NUP210L: variants seen among roughly 807,000 people sequenced by gnomAD.
The protein encoded by NUP210L is nuclear pore membrane glycoprotein 210-like.
Under a neutral mutation model 208.5 loss-of-function variants are expected in NUP210L, and 74 were observed. The ratio of observed to expected loss-of-function variants is 0.35; its 90% CI spans 0.29 to 0.43. The LOEUF (loss-of-function observed/expected upper bound fraction) is 0.43. NUP210L is among the 20% of genes least tolerant of loss of function. The pLI is 1.00. For missense variants in NUP210L, 1,843 were observed against 2,289.4 expected, an observed-to-expected ratio of 0.81 and a Z score of 3.98; for synonymous variants, 780 against 816.9, an observed-to-expected ratio of 0.95 and a Z score of 0.77.
At chr1:154,091,593 C>T (rs1655917235) in intron 15 of NUP210L, among the ~76,000 whole-genome samples, 1 of 150,498 alleles carries the variant, frequency 6.6e-6, no homozygotes, top group Non-Finnish European at 1.5e-5. Context: ...CTCCACCTCC[C>T]AGGTTCAAGC....
chr1:154,103,953 A>C (rs1224652718), intron 13 of NUP210L, 59 bp downstream of exon 13: 1 of 1,299,356 alleles, frequency 7.7e-7, no homozygotes, highest in African/African-American at 1.5e-5. Context: ...TCACAGTGGT[A>C]GAGTTAAAGA....
rs529874428 is a variant in NUP210L, at chr1:154,080,252, C to T, written c.2361+9169G>A. 9.8e-4 allele frequency among the ~76,000 whole-genome samples: 148 copies of T among 151,686 alleles called. 1 individual carries two copies. The highest frequency in any genetic ancestry group is 1.6e-3 in the Admixed American group (25 of 15,212). On this transcript the variant is annotated intron_variant, in intron 16 of 39. Coordinates refer to ENST00000368559, the Ensembl canonical transcript of NUP210L. The stretch of plus-strand genomic sequence containing the variant: ...GCGCATGCCTGTAATCCCAGCTACT[C>T]GGGAGGCTGAGGCAGGACAATCGTT...
chr1:154,127,699 C>T (rs1012948510), intron 8 of NUP210L, among the ~76,000 whole-genome samples: 1 of 151,596 alleles, frequency 6.6e-6, no homozygotes, highest in Non-Finnish European at 1.5e-5. Flanking sequence ...TATCGGTGTG[C>T]GTTACCATGC....
intron 35 of NUP210L, among the ~76,000 whole-genome samples, chr1:154,008,119 G>A (rs1364842739): frequency 6.6e-6 from 1 of 151,776 alleles, no homozygotes; most frequent in Non-Finnish European, 1.5e-5. Context: ...TGATTTGTCC[G>A]CCATGGCCTC....
At chr1:154,040,580 ATTCT>A (rs1313892920) in intron 27 of NUP210L, among the ~76,000 whole-genome samples, 41 of 150,610 alleles carry the variant, frequency 2.7e-4, no homozygotes, top group Non-Finnish European at 5.0e-4. Context: ...CCTCCCTAAG[ATTCT>A]TTCTTTCTTT....
At chr1:154,066,418 T>C (rs1393715059) in intron 17 of NUP210L, among the ~76,000 whole-genome samples, 1 of 152,170 alleles carries the variant, frequency 6.6e-6, no homozygotes, top group African/African-American at 2.4e-5. Flanking sequence ...GAGAACATCC[T>C]GGCTAACACG....
exon 40 of NUP210L, chr1:153,992,776 T>C: frequency 8.8e-7 from 1 of 1,139,958 alleles, no homozygotes; most frequent in Non-Finnish European, 1.3e-6. Flanking sequence ...TTAGGCTTCT[T>C]GTCGAGGACT....
In NUP210L at chr1:154,070,549, C is replaced by T. The variant is rs571132699; in HGVS notation, c.2362-84G>A. 35 of 902,056 alleles carry T rather than the reference C, an allele frequency of 3.9e-5. No individual in the cohort carries two copies. The South Asian group carries it at 6.7e-4, about 17-fold the overall frequency. The allele number at this position is 902,056 out of a possible 1,614,324, so 55.9% of individuals were successfully genotyped here. ...GTAAGATATCTCTAAAGCTAGGAATCGAGTTTTCTCTCAATATTTTTACCT... is the reference window on the plus strand; with the variant it reads ...GTAAGATATCTCTAAAGCTAGGAATTGAGTTTTCTCTCAATATTTTTACCT... On this transcript the variant is annotated intron_variant, in intron 16 of 39. Transcript: ENST00000368559.
rs187050016 is a variant in NUP210L at position 154,123,179 on chromosome 1, C to A, written c.1326+3144G>T. Among the ~76,000 whole-genome samples, 247 of 152,184 alleles carry A rather than the reference C, an allele frequency of 1.6e-3. 1 individual carries two copies. The highest frequency in any genetic ancestry group is 5.8e-3 in the African/African-American group (240 of 41,548). On this transcript the variant is annotated intron_variant, in intron 10 of 39. Coordinates refer to ENST00000368559, the Ensembl canonical transcript of NUP210L. Reference sequence around the variant, plus strand: ...TTTCTTTTTGAGACGGAGTTTCGCTCTTGTTGCCCAGGCTGGAGTGCAATG... The same window carrying A: ...TTTCTTTTTGAGACGGAGTTTCGCTATTGTTGCCCAGGCTGGAGTGCAATG...
intron 7 of NUP210L, among the ~76,000 whole-genome samples, chr1:154,134,725 A>G (rs1357210969): frequency 3.0e-5 from 2 of 67,000 alleles, no homozygotes; most frequent in African/African-American, 1.2e-4. Context: ...CGACAGCGAG[A>G]CTCCGTCTCA....
chr1:154,120,367 T>C (rs2148103503), intron 10 of NUP210L, among the ~76,000 whole-genome samples: 1 of 152,154 alleles, frequency 6.6e-6, no homozygotes, highest in South Asian at 2.1e-4. Context: ...CTCAGCAAAC[T>C]ATCACAAGGA....
intron 27 of NUP210L, among the ~76,000 whole-genome samples, chr1:154,041,586 C>T (rs1652879540): frequency 6.6e-6 from 1 of 151,684 alleles, no homozygotes; most frequent in African/African-American, 2.4e-5. Flanking sequence ...CTGCCTCGGC[C>T]TCCAGGTGTG....
intron 25 of NUP210L, among the ~76,000 whole-genome samples, chr1:154,047,842 T>G (rs1249523107): frequency 2.6e-5 from 4 of 152,144 alleles, no homozygotes; most frequent in Non-Finnish European, 5.9e-5. Context: ...ACGACTGAGC[T>G]GATCTCGGTA....
intron 23 of NUP210L, among the ~76,000 whole-genome samples, chr1:154,055,146 T>G (rs1653768245): frequency 1.1e-5 from 1 of 90,216 alleles, no homozygotes; most frequent in African/African-American, 5.7e-5. Flanking sequence ...TTTCTTTCTT[T>G]CTTTCTTTCT....
In NUP210L at chr1:154,025,720, G is replaced by T; in HGVS notation, c.3948-4C>A. ...ACTCACGAAGGCAGCTCCTTCCCTA[G>T]GGAACAAGGAAAGGAAGTGGCATCT... On this transcript the variant is annotated splice_polypyrimidine_tract_variant and splice_region_variant and intron_variant, in intron 29 of 39. Coordinates refer to ENST00000368559, the Ensembl canonical transcript of NUP210L. 2 of 1,610,680 alleles carry T rather than the reference G, an allele frequency of 1.2e-6. No individual in the cohort carries two copies. Among genetic ancestry groups the T allele is most frequent in the South Asian group, 2.2e-5 (2 of 90,694 alleles).
intron 12 of NUP210L, 24 bp from the exon 13 acceptor site, chr1:154,104,234 C>T (rs2148069684): frequency 6.2e-7 from 1 of 1,602,434 alleles, no homozygotes; most frequent in East Asian, 2.2e-5. Flanking sequence ...ATTCATCTTT[C>T]AAGAAAGTTA....
At chr1:154,036,276 A>T (rs987039289) in intron 27 of NUP210L, among the ~76,000 whole-genome samples, 8 of 149,536 alleles carry the variant, frequency 5.3e-5, no homozygotes, top group African/African-American at 1.7e-4. Flanking sequence ...TTAATTAATT[A>T]AAAAATTTAT....
intron 23 of NUP210L, among the ~76,000 whole-genome samples, chr1:154,055,792 G>T (rs1350535098): frequency 6.6e-6 from 1 of 152,154 alleles, no homozygotes; most frequent in African/African-American, 2.4e-5. Flanking sequence ...AAATTTAAAA[G>T]TATTTAAGTA....
chr1:153,994,436 C>G (rs1050024510), intron 38 of NUP210L, among the ~76,000 whole-genome samples: 1 of 151,868 alleles, frequency 6.6e-6, no homozygotes, highest in Non-Finnish European at 1.5e-5. Flanking sequence ...CTCAGCCTCC[C>G]GAGTAGCTGG....
Sources: allele counts gnomAD v4.1 joint callset (sites outside exome capture counted in the v4.1 genomes callset), GRCh38; gene constraint gnomAD v4.1.1; transcripts MANE v1.5; gene names NCBI Gene and HGNC (gene_info 2026-07-23, HGNC 2026-07-21).